Variants in MEIKIN observed in about 807,000 individuals in gnomAD.
MEIKIN encodes the protein meiotic kinetochore factor, also known as meiosis-specific kinetochore protein.
chr5:131,914,514 A>T (rs1751381736), intron 7 of MEIKIN, among the ~76,000 whole-genome samples: 1 of 145,218 alleles, frequency 6.9e-6, no homozygotes, highest in Non-Finnish European at 1.5e-5. Flanking sequence ...AAAGAAAAAG[A>T]AAAAGGAAGG....
At chr5:131,862,436 C>A (rs1006120299) in intron 9 of MEIKIN, among the ~76,000 whole-genome samples, 1 of 151,844 alleles carries the variant, frequency 6.6e-6, no homozygotes, top group African/African-American at 2.4e-5. Context: ...GTCTCTATTT[C>A]ATTTCTTTCT....
At chr5:131,878,075 A>G (rs1042609215) in intron 9 of MEIKIN, among the ~76,000 whole-genome samples, 2 of 152,200 alleles carry the variant, frequency 1.3e-5, no homozygotes, top group African/African-American at 4.8e-5. Flanking sequence ...TACTATCCAC[A>G]TCCACTGGGG....
At chr5:131,837,082 G>A (rs1013606478) in intron 11 of MEIKIN, among the ~76,000 whole-genome samples, 1 of 152,106 alleles carries the variant, frequency 6.6e-6, no homozygotes, top group Admixed American at 6.5e-5. Flanking sequence ...TCAATCTTCT[G>A]CACATGGCTA....
At chr5:131,835,633 A>G (rs1232358854) in intron 11 of MEIKIN, among the ~76,000 whole-genome samples, 1 of 151,858 alleles carries the variant, frequency 6.6e-6, no homozygotes, top group African/African-American at 2.4e-5. Context: ...TCGCTCTGTT[A>G]CCCAGGCTGG....
chr5:131,867,748 A>C lies in MEIKIN; in HGVS notation c.774+11230T>G, dbSNP rs573771542. Among the ~76,000 whole-genome samples the C allele has an allele frequency of 9.2e-5, 14 of 152,302 alleles. No homozygotes were observed. In the South Asian group the frequency reaches 2.9e-3, roughly 32 times the overall value. On this transcript the variant is annotated intron_variant, in intron 9 of 12. Transcript: ENST00000442687. ...AAATAATATTCCATTGTCTGGATAT[A>C]CCACAGTTTATTTATGCATTCACCT...
intron 11 of MEIKIN, among the ~76,000 whole-genome samples, chr5:131,819,793 T>TTTTTTG: frequency 7.9e-6 from 1 of 126,536 alleles, no homozygotes; most frequent in African/African-American, 3.6e-5. Flanking sequence ...TTTTTTTTTT[T>TTTTTTG]GAGACGGAGT....
intron 7 of MEIKIN, among the ~76,000 whole-genome samples, chr5:131,914,796 A>G (rs1751392213): frequency 6.6e-6 from 1 of 152,166 alleles, no homozygotes; most frequent in African/African-American, 2.4e-5. Flanking sequence ...GAAGGGGGAC[A>G]AAGACTTAGA....
intron 10 of MEIKIN, among the ~76,000 whole-genome samples, chr5:131,852,931 A>G (rs1450865579): frequency 6.6e-6 from 1 of 152,158 alleles, no homozygotes; most frequent in East Asian, 1.9e-4. Flanking sequence ...TCCAAATATC[A>G]ACCAAGAATG....
intron 9 of MEIKIN, among the ~76,000 whole-genome samples, chr5:131,872,022 G>C (rs968491500): frequency 2.0e-5 from 3 of 151,798 alleles, no homozygotes; most frequent in African/African-American, 7.3e-5. Flanking sequence ...AAAGACCAAA[G>C]GTACATAAAA....
At chr5:131,871,718 CTCCGAGTAG>C (rs1288528198) in intron 9 of MEIKIN, among the ~76,000 whole-genome samples, 1 of 152,218 alleles carries the variant, frequency 6.6e-6, no homozygotes, top group East Asian at 1.9e-4. Flanking sequence ...GGTCCCTGAC[CTCCGAGTAG>C]CCTAACTGGG....
chr5:131,823,418 C>T (rs1425708719), intron 11 of MEIKIN, among the ~76,000 whole-genome samples: 1 of 151,986 alleles, frequency 6.6e-6, no homozygotes, highest in East Asian at 1.9e-4. Context: ...TTCAAATAGC[C>T]AGTCTTAAGC....
chr5:131,815,134 C>T (rs780811067), intron 12 of MEIKIN, among the ~76,000 whole-genome samples: 17 of 151,894 alleles, frequency 1.1e-4, no homozygotes, highest in Non-Finnish European at 2.1e-4. Context: ...ATATTCCATA[C>T]AACATTGCTT....
intron 8 of MEIKIN, among the ~76,000 whole-genome samples, chr5:131,896,775 C>T (rs549696685): frequency 3.9e-5 from 6 of 152,246 alleles, no homozygotes; most frequent in Admixed American, 2.0e-4. Flanking sequence ...CTATGTGTTT[C>T]TCTGCACATG....
chr5:131,940,819 A>G (rs1455190185), intron 4 of MEIKIN, among the ~76,000 whole-genome samples: 1 of 152,140 alleles, frequency 6.6e-6, no homozygotes, highest in Non-Finnish European at 1.5e-5. Flanking sequence ...CGGTTCAGAG[A>G]GCCATACTAA....
In MEIKIN at chr5:131,863,582, T is replaced by C. The variant is rs1750327387; in HGVS notation, c.775-8748A>G. ...CTTTTTTTTTTTTTTTTTTTTTTTT[T>C]TACTGTTTTTGACTTAAAGTCTGTT... is the stretch of plus-strand genomic sequence containing the variant. On this transcript the variant is annotated intron_variant, in intron 9 of 12. Transcript: ENST00000442687. Among the ~76,000 whole-genome samples the C allele has an allele frequency of 3.2e-5, 3 of 94,770 alleles. No individual in the cohort carries two copies. The South Asian group carries it at 1.2e-3, about 38-fold the overall frequency. 62.2% of individuals were successfully genotyped at this position (94,770 alleles called of 152,430 possible).
chr5:131,885,410 A>C (rs1329948811), intron 8 of MEIKIN, among the ~76,000 whole-genome samples: 1 of 105,114 alleles, frequency 9.5e-6, no homozygotes, highest in Non-Finnish European at 1.9e-5. Flanking sequence ...AGAGAGAGAG[A>C]GAGAGAGAGA....
At chr5:131,840,492 T>C (rs1749886928) in intron 11 of MEIKIN, among the ~76,000 whole-genome samples, 3 of 152,232 alleles carry the variant, frequency 2.0e-5, no homozygotes, top group South Asian at 2.1e-4. Flanking sequence ...CAGTGTGTCA[T>C]AGATTTGCTC....
intron 9 of MEIKIN, among the ~76,000 whole-genome samples, chr5:131,874,002 G>A (rs1194437146): frequency 6.6e-6 from 1 of 152,162 alleles, no homozygotes; most frequent in African/African-American, 2.4e-5. Flanking sequence ...GCAGTGTGTA[G>A]AGGGAAATTT....
At chr5:131,924,921 CTA>C (rs1316672057) in intron 5 of MEIKIN, among the ~76,000 whole-genome samples, 8 of 152,098 alleles carry the variant, frequency 5.3e-5, no homozygotes, top group African/African-American at 1.4e-4. Context: ...AGCTTTTCCC[CTA>C]TGTTTTCTTC....
Sources: gnomAD v4.1 joint callset for allele counts (sites outside exome capture counted in the v4.1 genomes callset) on GRCh38, gnomAD v4.1.1 for gene constraint, MANE v1.5 for transcripts, NCBI Gene and HGNC (gene_info 2026-07-23, HGNC 2026-07-21) for gene names.